The following ZMIZ1 variants were observed in gnomAD, a reference collection of about 807,000 sequenced individuals.
ZMIZ1 encodes the protein zinc finger MIZ domain-containing protein 1.
Under a neutral mutation model 113.9 loss-of-function variants are expected in ZMIZ1, and 17 were observed. The ratio of observed to expected loss-of-function variants is 0.15; its 90% confidence interval spans 0.10 to 0.22. ZMIZ1 has a LOEUF of 0.22. Ranked by LOEUF, ZMIZ1 falls within the 10% of genes least tolerant of loss-of-function variation. The pLI is 1.00. For synonymous variants in ZMIZ1, 607 were observed against 603.1 expected, an observed-to-expected ratio of 1.01 and a Z score of -0.09; for missense variants, 1,059 against 1,477.8, an observed-to-expected ratio of 0.72 and a Z score of 4.65.
At chr10:79,305,007 AG>A (rs1470915730) in intron 19 of ZMIZ1, among the ~76,000 whole-genome samples, 156 bp from the exon 20 acceptor site, 3 of 152,108 alleles carry the variant, frequency 2.0e-5, no homozygotes, top group Admixed American at 1.3e-4. Context: ...CGTGGCAGAA[AG>A]GTAGCATTGC....
chr10:79,292,670 C>G, intron 11 of ZMIZ1: 1 of 489,782 alleles, frequency 2.0e-6, no homozygotes. Context: ...GGGCCCCCAA[C>G]TCACCAAGGA....
At chr10:79,239,958 C>G (rs1400693151) in intron 7 of ZMIZ1, among the ~76,000 whole-genome samples, 1 of 151,206 alleles carries the variant, frequency 6.6e-6, no homozygotes, top group African/African-American at 2.4e-5. Flanking sequence ...GCTCCTCCAG[C>G]TGGGTAAAGC....
intron 7 of ZMIZ1, among the ~76,000 whole-genome samples, chr10:79,221,295 C>T (rs1483747348): frequency 2.6e-5 from 4 of 152,164 alleles, no homozygotes; most frequent in Non-Finnish European, 4.4e-5. Flanking sequence ...TGTGTGTGTC[C>T]TGGGAGAGTG....
chr10:79,279,887 G>T (rs1254105612), intron 8 of ZMIZ1, among the ~76,000 whole-genome samples: 1 of 152,198 alleles, frequency 6.6e-6, no homozygotes, highest in African/African-American at 2.4e-5. Context: ...AGGCAGGGAG[G>T]TTGCAGTGAG....
chr10:79,293,035 C>T (rs1454498294), intron 11 of ZMIZ1, among the ~76,000 whole-genome samples: 3 of 152,082 alleles, frequency 2.0e-5, no homozygotes, highest in Non-Finnish European at 2.9e-5. Context: ...CATCTACCTC[C>T]ACCCTCCCAT....
intron 4 of ZMIZ1, among the ~76,000 whole-genome samples, chr10:79,179,847 T>TGGGGACCAGGCAGTG (rs1163031480): frequency 6.6e-6 from 1 of 152,114 alleles, no homozygotes; most frequent in Non-Finnish European, 1.5e-5. Context: ...CCGAGGCAGG[T>TGGGGACCAGGCAGTG]GGGGACCAGG....
chr10:79,093,171 C>CACAT (rs1554849370), intron 1 of ZMIZ1, among the ~76,000 whole-genome samples: 45 of 142,536 alleles, frequency 3.2e-4, no homozygotes, highest in African/African-American at 9.5e-4. Flanking sequence ...CACACACACA[C>CACAT]ACACATATTC....
chr10:79,222,053 G>T (rs1848998124), intron 7 of ZMIZ1, among the ~76,000 whole-genome samples: 3 of 152,254 alleles, frequency 2.0e-5, no homozygotes, highest in Admixed American at 2.0e-4. Flanking sequence ...AGAACTGGAA[G>T]AACTGCCACC....
Position 79,312,897 on chromosome 10 carries a change from T to G in ZMIZ1, c.*148T>G. The stretch of plus-strand genomic sequence containing the variant: ...GGGGAGCCCTCCCCCGCTGCAGCCC[T>G]CTCAGAACAGAGGGGTAGGGAGGGT... On this transcript the variant is annotated 3_prime_UTR_variant, in exon 25 of 25. Coordinates refer to ENST00000334512, the MANE Select transcript of ZMIZ1 (RefSeq NM_020338.4). 4.4e-6 allele frequency: 3 copies of G among 677,888 alleles called. No homozygotes were observed. Among genetic ancestry groups the G allele is most frequent in the Non-Finnish European group, 7.5e-6 (3 of 402,396 alleles). 42.0% of individuals were successfully genotyped at this position (677,888 alleles called of 1,614,324 possible).
chr10:79,108,421 G>T (rs1843629357), intron 1 of ZMIZ1, among the ~76,000 whole-genome samples: 1 of 152,166 alleles, frequency 6.6e-6, no homozygotes, highest in African/African-American at 2.4e-5. Flanking sequence ...CCCATACCTA[G>T]GTCCTAGGGT....
intron 3 of ZMIZ1, among the ~76,000 whole-genome samples, chr10:79,153,613 T>C (rs992149599): frequency 1.3e-5 from 2 of 152,226 alleles, no homozygotes; most frequent in African/African-American, 4.8e-5. Context: ...TAGCAAGTGC[T>C]CCTGTTGCCT....
intron 7 of ZMIZ1, among the ~76,000 whole-genome samples, chr10:79,257,478 A>G (rs1850989348): frequency 6.6e-6 from 1 of 152,232 alleles, no homozygotes; most frequent in African/African-American, 2.4e-5. Flanking sequence ...ACCCTGAGTC[A>G]GGGGAACATC....
chr10:79,251,855 G>A (rs1005171804), intron 7 of ZMIZ1, among the ~76,000 whole-genome samples: 15 of 152,198 alleles, frequency 9.9e-5, no homozygotes, highest in African/African-American at 3.4e-4. Context: ...TTGTCCCAGG[G>A]GGTCAGGGCA....
chr10:79,075,116 C>G (rs1201593310), intron 1 of ZMIZ1, among the ~76,000 whole-genome samples: 1 of 152,090 alleles, frequency 6.6e-6, no homozygotes, highest in East Asian at 1.9e-4. Context: ...AGCTCCACCC[C>G]TAGACAGCCA....
intron 4 of ZMIZ1, among the ~76,000 whole-genome samples, chr10:79,185,509 T>A (rs1589392829): frequency 8.1e-6 from 1 of 122,708 alleles, no homozygotes; most frequent in South Asian, 2.7e-4. Flanking sequence ...CTTCTACATC[T>A]TTTTTTTTTT....
chr10:79,180,275 C>A (rs1020440019), intron 4 of ZMIZ1, among the ~76,000 whole-genome samples: 2 of 152,098 alleles, frequency 1.3e-5, no homozygotes, highest in Non-Finnish European at 2.9e-5. Context: ...GTGGCCCTGT[C>A]CCCCAGCATC....
At position 79,229,599 on chromosome 10, in the gene ZMIZ1, A is replaced by C. The variant is rs577487348; in HGVS notation, c.280+13325A>C. Reference sequence around the variant, plus strand: ...CTGCCTTTCAAACAGGCACATAATTATAATGACGGCAGAAACTCAGCGCAC... The same window carrying C: ...CTGCCTTTCAAACAGGCACATAATTCTAATGACGGCAGAAACTCAGCGCAC... On this transcript the variant is annotated intron_variant, in intron 7 of 24. Transcript: ENST00000334512. Among the ~76,000 whole-genome samples the C allele has an allele frequency of 3.3e-5, 5 of 152,338 alleles. No homozygotes were observed. The South Asian group carries it at 1.0e-3, about 32-fold the overall frequency.
chr10:79,178,509 G>A (rs567536256), intron 4 of ZMIZ1, among the ~76,000 whole-genome samples: 2 of 152,306 alleles, frequency 1.3e-5, no homozygotes, highest in African/African-American at 2.4e-5. Context: ...CCAGCTGGGC[G>A]GGGGTGAAGG....
At chr10:79,218,584 G>GGGGTGTGTGTGTGTGT (rs1554818328) in intron 7 of ZMIZ1, among the ~76,000 whole-genome samples, 1 of 147,792 alleles carries the variant, frequency 6.8e-6, no homozygotes, top group Non-Finnish European at 1.5e-5. Flanking sequence ...TAATTAGAGG[G>GGGGTGTGTGTGTGTGT]GTGTGTGTGT....
Sources: gnomAD v4.1 joint callset for allele counts (sites outside exome capture counted in the v4.1 genomes callset) on GRCh38, gnomAD v4.1.1 for gene constraint, MANE v1.5 for transcripts, NCBI Gene and HGNC (gene_info 2026-07-23, HGNC 2026-07-21) for gene names.